Variants in PCLO observed in about 807,000 individuals in gnomAD.
The protein encoded by PCLO is protein piccolo.
PCLO carries 82 observed loss-of-function variants against 427.5 expected under a neutral mutation model. That is an observed-to-expected ratio of 0.19 (90% CI 0.16 to 0.23). PCLO has a LOEUF of 0.23. Among genes scored for constraint, PCLO ranks in the 10% least tolerant of loss-of-function variants. The probability of loss-of-function intolerance (pLI) is 1.00; values close to 1 mark genes in which losing one functional copy is unlikely to be tolerated. For synonymous variants in PCLO, 2,357 were observed against 2,155.4 expected, an observed-to-expected ratio of 1.09 and a Z score of -2.59; for missense variants, 6,239 against 6,115.9, an observed-to-expected ratio of 1.02 and a Z score of -0.67.
At chr7:83,119,337 T>C (rs1014123913) in intron 3 of PCLO, among the ~76,000 whole-genome samples, 1 of 151,990 alleles carries the variant, frequency 6.6e-6, no homozygotes, top group African/African-American at 2.4e-5. Context: ...TCCTTTTGTT[T>C]GGGTGAAAGT....
chr7:83,084,878 CTT>C (rs1462137991), intron 3 of PCLO, among the ~76,000 whole-genome samples: 1 of 152,130 alleles, frequency 6.6e-6, no homozygotes, highest in African/African-American at 2.4e-5. Context: ...AGATTTACCT[CTT>C]TATCTATCAA....
intron 3 of PCLO, among the ~76,000 whole-genome samples, chr7:83,089,172 T>G (rs61138929): frequency 0.19 from 29,381 of 151,980 alleles, 3,494 homozygotes; most frequent in African/African-American, 0.33. Flanking sequence ...CACATATATG[T>G]TTTAAATATT....
intron 3 of PCLO, among the ~76,000 whole-genome samples, chr7:83,094,201 T>C (rs1790467142): frequency 1.9e-5 from 2 of 104,514 alleles, no homozygotes; most frequent in Admixed American, 2.1e-4. Flanking sequence ...TTGGGACTGA[T>C]TTTTTTTTCT....
At chr7:82,777,293 A>T (rs1472198981) in intron 22 of PCLO, among the ~76,000 whole-genome samples, 1 of 152,204 alleles carries the variant, frequency 6.6e-6, no homozygotes, top group African/African-American at 2.4e-5. Context: ...GCTCACGGAT[A>T]GGGAGAATCA....
Position 83,156,209 on chromosome 7 carries a change from T to C in PCLO, c.432A>G (p.Leu144=), listed in dbSNP as rs772096766. The C allele has an allele frequency of 2.5e-6, 4 of 1,613,886 alleles. 1 individual carries two copies. In the South Asian group the frequency reaches 4.4e-5, roughly 18 times the overall value. Residue 144 remains leucine, a synonymous_variant, in exon 2 of 25, where the codon TTA becomes TTG. Coordinates refer to ENST00000333891, the MANE Select transcript of PCLO (RefSeq NM_033026.6). ...SLKESKSRTD[L]KEEHKSSMMP... ...TCATACTAGACTTGTGCTCTTCCTT[T>C]AAATCAGTTCTGGACTTTGATTCTT...
intron 9 of PCLO, among the ~76,000 whole-genome samples, chr7:82,894,104 G>A (rs1793842819): frequency 6.6e-6 from 1 of 151,602 alleles, no homozygotes; most frequent in Non-Finnish European, 1.5e-5. Flanking sequence ...TACTATCTCA[G>A]GAAATACATT....
chr7:82,880,469 C>T (rs1316419628), intron 9 of PCLO: 1 of 341,090 alleles, frequency 2.9e-6, no homozygotes, highest in South Asian at 2.3e-5. Context: ...GTCTCAAACT[C>T]CTAAGCTGAA....
Position 82,953,117 on chromosome 7 carries a change from A to T in PCLO, c.7836T>A (p.Asp2612Glu). ...TSWPLGSPSK[D>E]LVSVEPVFSV... ...AAAACACAGGTTCAACAGAAACCAG[A>T]TCTTTGGAGGGTGATCCCAAGGGCC... Residue 2612 changes from aspartate to glutamate, a missense_variant, in exon 5 of 25, where the codon GAT becomes GAA. Physicochemically the swap from Asp to Glu is conservative, Grantham distance 45. This residue lies in a region of PCLO where 4,677 missense variants were observed against 4,468.4 expected (regional missense o/e 1.05). Coordinates refer to ENST00000333891, the MANE Select transcript of PCLO (RefSeq NM_033026.6). 6.2e-7 allele frequency: 1 copy of T among 1,613,942 alleles called. No individual in the cohort carries two copies. Among genetic ancestry groups the T allele is most frequent in the Non-Finnish European group, 8.5e-7 (1 of 1,179,856 alleles).
Position 83,162,882 on chromosome 7 carries a change from T to C in PCLO, c.-290A>G. ...GCGCCCCGAGCCGGGGAGAAGCAGA[T>C]CTGAGCGGTGCCAGCCGGGCGCCGT... On this transcript the variant is annotated 5_prime_UTR_variant, in exon 1 of 25. Coordinates refer to ENST00000333891, the MANE Select transcript of PCLO (RefSeq NM_033026.6). The C allele has an allele frequency of 2.2e-6, 1 of 456,334 alleles. No individual in the cohort carries two copies. Among genetic ancestry groups the C allele is most frequent in the South Asian group, 2.9e-5 (1 of 34,016 alleles). The allele number at this position is 456,334 out of a possible 1,614,324, so 28.3% of individuals were successfully genotyped here.
chr7:83,117,831 T>C (rs34959723), intron 3 of PCLO, among the ~76,000 whole-genome samples: 17,704 of 152,182 alleles, frequency 0.12, 1,217 homozygotes, highest in African/African-American at 0.18. Context: ...AACTTATTAG[T>C]GAAGTTGGGT....
At chr7:82,838,001 T>C (rs1164899783) in intron 15 of PCLO, among the ~76,000 whole-genome samples, 1 of 151,970 alleles carries the variant, frequency 6.6e-6, no homozygotes, top group Non-Finnish European at 1.5e-5. Context: ...GAGGCTGGTT[T>C]CATTATGATC....
chr7:82,923,893 T>C (rs1479233377), intron 6 of PCLO, among the ~76,000 whole-genome samples: 1 of 152,048 alleles, frequency 6.6e-6, no homozygotes, highest in Non-Finnish European at 1.5e-5. Flanking sequence ...TGATTCTATA[T>C]TGTTAGATGT....
At chr7:82,809,531 A>G (rs1791523611) in intron 20 of PCLO, among the ~76,000 whole-genome samples, 1 of 151,630 alleles carries the variant, frequency 6.6e-6, no homozygotes, top group Non-Finnish European at 1.5e-5. Context: ...AGCAAAGCCT[A>G]TGTTTTCTCC....
rs770986674 is a variant in PCLO, at chr7:82,951,264, G to A, written c.9324C>T (p.Gly3108=). ...PSTFAITTQP[G]SIFSTTVRDL... ...CCCTCACTGTGGTGCTGAAAATGGAGCCAGGTTGTGTGGTGATAGCAAATG... is the reference window on the plus strand; with the variant it reads ...CCCTCACTGTGGTGCTGAAAATGGAACCAGGTTGTGTGGTGATAGCAAATG... The change falls in exon 6 of 25, where the codon GGC becomes GGT. Residue 3108 remains glycine, a synonymous_variant. Coordinates refer to ENST00000333891, the MANE Select transcript of PCLO (RefSeq NM_033026.6). The A allele has an allele frequency of 6.2e-7, 1 of 1,613,490 alleles. No individual in the cohort carries two copies. The highest frequency in any genetic ancestry group is 8.5e-7 in the Non-Finnish European group (1 of 1,179,678).
intron 10 of PCLO, among the ~76,000 whole-genome samples, chr7:82,869,440 T>C (rs1793175710): frequency 6.6e-6 from 1 of 152,026 alleles, no homozygotes; most frequent in Non-Finnish European, 1.5e-5. Context: ...TTCAATGAAA[T>C]TACTATCAAA....
intron 22 of PCLO, among the ~76,000 whole-genome samples, chr7:82,767,980 A>G (rs1790567096): frequency 6.6e-6 from 1 of 151,860 alleles, no homozygotes; most frequent in South Asian, 2.1e-4. Context: ...GAAAAGCAAA[A>G]AGGAGGGAGG....
At chr7:82,797,263 T>C (rs1791244350) in intron 22 of PCLO, among the ~76,000 whole-genome samples, 1 of 152,162 alleles carries the variant, frequency 6.6e-6, no homozygotes, top group Non-Finnish European at 1.5e-5. Context: ...CATGGAAAGT[T>C]GTGATTGTAA....
chr7:82,865,492 AAAAC>A (rs772260581), intron 10 of PCLO, among the ~76,000 whole-genome samples: 43 of 152,262 alleles, frequency 2.8e-4, no homozygotes, highest in East Asian at 9.7e-4. Context: ...CGTCTCAGAA[AAAAC>A]AAACAAACAA....
chr7:82,821,578 T>A, intron 20 of PCLO: 1 of 973,686 alleles, frequency 1.0e-6, no homozygotes, highest in South Asian at 4.8e-5. Flanking sequence ...TATTTGCACA[T>A]ATTAAGTTTT....
Sources: gnomAD v4.1 joint callset for allele counts (sites outside exome capture counted in the v4.1 genomes callset) on GRCh38, gnomAD v4.1.1 for gene constraint, gnomAD v4.1.1 regional missense constraint, MANE v1.5 for transcripts, NCBI Gene and HGNC (gene_info 2026-07-23, HGNC 2026-07-21) for gene names.